Variants in ITIH5 observed in about 807,000 individuals in gnomAD.
ITIH5 encodes inter-alpha-trypsin inhibitor heavy chain 5, also known as inter-alpha-trypsin inhibitor heavy chain H5.
Under a neutral mutation model 77.5 loss-of-function variants are expected in ITIH5, and 65 were observed. That is an observed-to-expected ratio of 0.84 (90% confidence interval 0.69 to 1.03). The LOEUF is 1.03. ITIH5 is among the 50% of genes least tolerant of loss of function. ITIH5 has a pLI of 0.00. For synonymous variants in ITIH5, 525 were observed against 494.3 expected (o/e 1.06, Z -0.82); for missense variants, 1,208 against 1,213.1 (o/e 1.00, Z 0.06).
rs1554757551 is a variant in ITIH5, at chr10:7,644,246, A to AT, written c.136-2157_136-2156insA. On this transcript the variant is annotated intron_variant, in intron 2 of 13. Transcript: ENST00000397146. ...GAGCAAGACCCTGTCACAGAAAAAA[A>AT]ATATATATATATATGTACATATATG... 1.8e-3 allele frequency among the ~76,000 whole-genome samples: 272 copies of AT among 147,340 alleles called. 3 individuals are homozygous for AT. The highest frequency in any genetic ancestry group is 6.1e-3 in the South Asian group (29 of 4,748).
At chr10:7,609,878 T>C (rs906951410) in intron 7 of ITIH5, among the ~76,000 whole-genome samples, 1 of 152,020 alleles carries the variant, frequency 6.6e-6, no homozygotes, top group African/African-American at 2.4e-5. Flanking sequence ...GTAGATCTAA[T>C]TCTATAGATC....
chr10:7,653,987 T>A (rs1834141523), intron 2 of ITIH5, among the ~76,000 whole-genome samples: 1 of 152,182 alleles, frequency 6.6e-6, no homozygotes, highest in Non-Finnish European at 1.5e-5. Flanking sequence ...AAACCCCATC[T>A]CTACTAAAAA....
chr10:7,595,532 A>AT (rs1336669031), intron 7 of ITIH5, among the ~76,000 whole-genome samples: 1 of 152,180 alleles, frequency 6.6e-6, no homozygotes, highest in Admixed American at 6.5e-5. Flanking sequence ...GTTTAATACT[A>AT]TTTTATGGTG....
At chr10:7,595,775 G>A (rs548287920) in intron 7 of ITIH5, among the ~76,000 whole-genome samples, 23 of 152,292 alleles carry the variant, frequency 1.5e-4, no homozygotes, top group African/African-American at 4.8e-4. Context: ...TTAGGAAGCC[G>A]AGGCGGGCGG....
intron 7 of ITIH5, among the ~76,000 whole-genome samples, chr10:7,601,168 T>C (rs1833007259): frequency 6.6e-6 from 1 of 152,238 alleles, no homozygotes; most frequent in Non-Finnish European, 1.5e-5. Flanking sequence ...CAGCAACTGA[T>C]GTCATTTGGC....
At chr10:7,612,679 A>T (rs1417806044) in intron 7 of ITIH5, among the ~76,000 whole-genome samples, 1 of 150,918 alleles carries the variant, frequency 6.6e-6, no homozygotes, top group African/African-American at 2.4e-5. Context: ...TTTTTTAGAA[A>T]GGAAAAGAAA....
chr10:7,653,731 G>T (rs1163313170), intron 2 of ITIH5, among the ~76,000 whole-genome samples: 1 of 152,182 alleles, frequency 6.6e-6, no homozygotes, highest in Non-Finnish European at 1.5e-5. Flanking sequence ...TTAGTTAAGA[G>T]CATGGACTCA....
rs186961755 is a variant in ITIH5 at position 7,624,376 on chromosome 10, G to A, written c.653-7094C>T. 2.9e-3 allele frequency among the ~76,000 whole-genome samples: 438 copies of A among 151,896 alleles called. 3 individuals are homozygous for A. Among genetic ancestry groups the A allele is most frequent in the South Asian group, 7.7e-3 (37 of 4,790 alleles). ...TACAAACTTAGCGGGACATGGTGGC[G>A]CATGCCTGTAATCCTAGATACTCGG... On this transcript the variant is annotated intron_variant, in intron 5 of 13. Coordinates refer to ENST00000397146, the MANE Select transcript of ITIH5 (RefSeq NM_030569.7).
intron 1 of ITIH5, among the ~76,000 whole-genome samples, chr10:7,659,869 G>A (rs1347624169): frequency 2.0e-5 from 3 of 152,106 alleles, no homozygotes; most frequent in African/African-American, 4.8e-5. Flanking sequence ...TACCATCATC[G>A]TTTTTAGTTA....
intron 7 of ITIH5, among the ~76,000 whole-genome samples, chr10:7,588,555 T>C (rs1027381576): frequency 6.6e-6 from 1 of 152,178 alleles, no homozygotes; most frequent in African/African-American, 2.4e-5. Context: ...TATATTCTTT[T>C]CTGTAGGGCT....
At chr10:7,589,331 G>T (rs1366115038) in intron 7 of ITIH5, among the ~76,000 whole-genome samples, 1 of 152,022 alleles carries the variant, frequency 6.6e-6, no homozygotes, top group Non-Finnish European at 1.5e-5. Flanking sequence ...ATGGTGGCAC[G>T]CGCCTGTAAT....
chr10:7,572,354 T>G (rs981468268), intron 11 of ITIH5: 1 of 1,367,460 alleles, frequency 7.3e-7, no homozygotes, highest in South Asian at 1.1e-5. Flanking sequence ...AAAGGAAATT[T>G]CATGACATTT....
intron 2 of ITIH5, among the ~76,000 whole-genome samples, chr10:7,651,140 C>A (rs1191026408): frequency 6.6e-6 from 1 of 152,140 alleles, no homozygotes; most frequent in Admixed American, 6.5e-5. Flanking sequence ...ATTCTTGATG[C>A]TCTGGCATTT....
At chr10:7,640,376 C>A (rs543659616) in intron 4 of ITIH5, among the ~76,000 whole-genome samples, 23 of 150,966 alleles carry the variant, frequency 1.5e-4, no homozygotes, top group African/African-American at 5.6e-4. Flanking sequence ...ACTTGGGAGG[C>A]TGAGGTGGAA....
In ITIH5 at chr10:7,599,149, G is replaced by C. The variant is rs550951736; in HGVS notation, c.940-13080C>G. Among the ~76,000 whole-genome samples, 8 of 152,248 alleles carry C rather than the reference G, an allele frequency of 5.3e-5. No individual in the cohort carries two copies. In the East Asian group the frequency reaches 1.5e-3, roughly 29 times the overall value. ...TTATAGTTGATGTGTAAATAACTCA[G>C]GGCTAGAAATAGATTTTTTTTCCCA... On this transcript the variant is annotated intron_variant, in intron 7 of 13. Transcript: ENST00000397146.
Position 7,644,876 on chromosome 10 carries a change from TATATATATCACATATATATATCAC to T in ITIH5, c.136-2810_136-2787del, listed in dbSNP as rs1833979992. On this transcript the variant is annotated intron_variant, in intron 2 of 13. Transcript: ENST00000397146. ...ACATATGTATCACATATATATCACA[TATATATATCACATATATATATCAC>T]ATATATATATCACATATATATATCA... Among the ~76,000 whole-genome samples the T allele has an allele frequency of 9.4e-5, 7 of 74,580 alleles. No homozygotes were observed. The South Asian group carries it at 1.6e-3, about 17-fold the overall frequency. 48.9% of individuals were successfully genotyped at this position (74,580 alleles called of 152,430 possible).
At chr10:7,592,956 C>T (rs1299712158) in intron 7 of ITIH5, among the ~76,000 whole-genome samples, 1 of 152,098 alleles carries the variant, frequency 6.6e-6, no homozygotes, top group Non-Finnish European at 1.5e-5. Flanking sequence ...ACTGCTGGGC[C>T]CAGAGTGGTC....
intron 8 of ITIH5, among the ~76,000 whole-genome samples, chr10:7,583,611 G>C (rs1832613017): frequency 1.3e-5 from 2 of 152,160 alleles, no homozygotes; most frequent in South Asian, 4.1e-4. Context: ...CAGGGTTATA[G>C]GTATGAGCCA....
In ITIH5 at chr10:7,569,761, C is replaced by T. The variant is rs772412778; in HGVS notation, c.2056G>A (p.Val686Met). The T allele has an allele frequency of 9.9e-6, 16 of 1,609,914 alleles. No individual in the cohort carries two copies. The highest frequency in any genetic ancestry group is 1.3e-5 in the African/African-American group (1 of 74,728). ...GTGAGTCTGCTCAGGGGGAAATCCA[C>T]AACAAAGTGGGGATCACCATCCACT... ...TSVDGDPHFV[V>M]DFPLSRLTVC... The change falls in exon 12 of 14, where the codon GTG (valine) becomes ATG (methionine). Residue 686 changes from valine to methionine, a missense_variant. Transcript: ENST00000397146.
Sources: allele counts gnomAD v4.1 joint callset (sites outside exome capture counted in the v4.1 genomes callset), GRCh38; gene constraint gnomAD v4.1.1; transcripts MANE v1.5; gene names NCBI Gene and HGNC (gene_info 2026-07-23, HGNC 2026-07-21).